Variants in CSTPP1 observed in about 807,000 individuals in gnomAD.
The protein encoded by CSTPP1 is centriolar satellite-associated tubulin polyglutamylase complex regulator 1, also known as UPF0705 protein C11orf49.
chr11:47,065,426 C>T, the CSTPP1 span, among the ~76,000 whole-genome samples: 4 of 152,050 alleles, frequency 2.6e-5, no homozygotes, highest in Admixed American at 2.6e-4. Flanking sequence ...CCTCCCACCT[C>T]TGCCATCAAG....
chr11:47,161,612 G>A, the CSTPP1 span: 1 of 1,613,756 alleles, frequency 6.2e-7, no homozygotes, highest in South Asian at 1.1e-5. Context: ...TGGCTCCACT[G>A]AAGAGACAGA....
chr11:47,041,754 G>T, the CSTPP1 span: 1 of 532,906 alleles, frequency 1.9e-6, no homozygotes, highest in East Asian at 3.1e-5. Context: ...AGAACTTCTG[G>T]TCAAAACCAT....
At chr11:47,107,891 C>A in the CSTPP1 span, among the ~76,000 whole-genome samples, 1 of 152,194 alleles carries the variant, frequency 6.6e-6, no homozygotes, top group Admixed American at 6.5e-5. Flanking sequence ...GCGTGCTGCA[C>A]ATGAGGAATC....
chr11:46,979,213 A>G, the CSTPP1 span, among the ~76,000 whole-genome samples: 3 of 152,154 alleles, frequency 2.0e-5, no homozygotes, highest in Non-Finnish European at 2.9e-5. Flanking sequence ...CTCCTGAGTA[A>G]CTGGGACCAT....
At chr11:46,969,732 C>A in the CSTPP1 span, among the ~76,000 whole-genome samples, 1 of 152,146 alleles carries the variant, frequency 6.6e-6, no homozygotes, top group South Asian at 2.1e-4. Context: ...AATTAATGAA[C>A]AGTTACCCAC....
chr11:47,062,207 C>T, the CSTPP1 span, among the ~76,000 whole-genome samples: 1 of 152,114 alleles, frequency 6.6e-6, no homozygotes, highest in Non-Finnish European at 1.5e-5. Flanking sequence ...ATGTCCATCT[C>T]CCTTATTAAA....
At chr11:46,985,377 CCAT>C in the CSTPP1 span, among the ~76,000 whole-genome samples, 3 of 152,054 alleles carry the variant, frequency 2.0e-5, no homozygotes, top group Admixed American at 6.6e-5. Flanking sequence ...TTAGGTAATT[CCAT>C]CATATTTTCC....
chr11:46,970,425 T>C, the CSTPP1 span, among the ~76,000 whole-genome samples: 1 of 150,532 alleles, frequency 6.6e-6, no homozygotes, highest in African/African-American at 2.4e-5. Flanking sequence ...AATAAATAAA[T>C]AAATAAAATT....
the CSTPP1 span, among the ~76,000 whole-genome samples, chr11:47,094,785 TCTGTTGTATAGTG>T: frequency 2.0e-5 from 3 of 152,204 alleles, no homozygotes. Flanking sequence ...CACAGAAAGT[TCTGTTGTATAGTG>T]CTGTTCTGGA....
the CSTPP1 span, among the ~76,000 whole-genome samples, chr11:47,092,183 A>C: frequency 6.6e-6 from 1 of 152,360 alleles, no homozygotes; most frequent in East Asian, 1.9e-4. Flanking sequence ...AAGTCTAAAA[A>C]AGAGGTATTT....
chr11:46,943,760 C>T, the CSTPP1 span, among the ~76,000 whole-genome samples: 555 of 152,216 alleles, frequency 3.6e-3, 2 homozygotes, highest in African/African-American at 0.013. Context: ...TGGTGGCTTA[C>T]GCCTATATTC....
At chr11:47,122,091 A>AAATATATATATATATATATAT in the CSTPP1 span, among the ~76,000 whole-genome samples, 1 of 31,842 alleles carries the variant, frequency 3.1e-5, no homozygotes. Flanking sequence ...AAAAAAAAAA[A>AAATATATATATATATATATAT]ATATATATAT....
chr11:47,083,149 C>A, the CSTPP1 span, among the ~76,000 whole-genome samples: 1 of 151,058 alleles, frequency 6.6e-6, no homozygotes, highest in Non-Finnish European at 1.5e-5. Context: ...TTTTTCTGTT[C>A]CTGCGTTAGT....
chr11:47,015,282 C>T, the CSTPP1 span, among the ~76,000 whole-genome samples: 25 of 151,676 alleles, frequency 1.6e-4, no homozygotes, highest in Admixed American at 8.5e-4. Flanking sequence ...TCCTGGCCAA[C>T]ATGGTGAAAC....
the CSTPP1 span, among the ~76,000 whole-genome samples, chr11:47,043,669 G>C: frequency 6.6e-6 from 1 of 152,136 alleles, no homozygotes; most frequent in Non-Finnish European, 1.5e-5. Flanking sequence ...ATTTACTCCA[G>C]AGAAAACAAA....
At chr11:47,014,790 AG>A in the CSTPP1 span, among the ~76,000 whole-genome samples, 1 of 138,326 alleles carries the variant, frequency 7.2e-6, no homozygotes, top group Non-Finnish European at 1.6e-5. Flanking sequence ...GGAGGGAGGG[AG>A]GGAAAGAGAA....
chr11:47,140,843 G>A, the CSTPP1 span, among the ~76,000 whole-genome samples: 1 of 151,538 alleles, frequency 6.6e-6, no homozygotes, highest in Non-Finnish European at 1.5e-5. Context: ...GCTCACGCCT[G>A]TAATCCCAGC....
At chr11:47,027,055 A>G in the CSTPP1 span, among the ~76,000 whole-genome samples, 6 of 152,156 alleles carry the variant, frequency 3.9e-5, no homozygotes, top group African/African-American at 1.4e-4. Flanking sequence ...TATAAAGAGT[A>G]TGTATGTGTG....
chr11:47,160,658 CT>C, the CSTPP1 span: 3 of 155,894 alleles, frequency 1.9e-5, no homozygotes, highest in African/African-American at 7.2e-5. Context: ...CCTCTTGCCC[CT>C]GGGATCCTCC....
Sources: gnomAD v4.1 joint callset for allele counts (sites outside exome capture counted in the v4.1 genomes callset) on GRCh38, gnomAD v4.1.1 for gene constraint, MANE v1.5 for transcripts, NCBI Gene and HGNC (gene_info 2026-07-23, HGNC 2026-07-21) for gene names.